Variants in KLF12 observed in about 807,000 individuals in gnomAD.
KLF12 encodes KLF transcription factor 12.
In KLF12, 9 loss-of-function variants were observed where a neutral mutation model predicts 37.8. The observed-to-expected ratio is 0.24, with a 90% CI of 0.14 to 0.42. KLF12 has a LOEUF of 0.42. KLF12 is among the 10% of genes least tolerant of loss of function. The pLI is 1.00. For synonymous variants in KLF12, 208 were observed against 202.1 expected, an observed-to-expected ratio of 1.03 and a Z score of -0.25; for missense variants, 411 against 516.0, an observed-to-expected ratio of 0.80 and a Z score of 1.97.
chr13:74,014,482 T>C (rs757883859), intron 1 of KLF12, among the ~76,000 whole-genome samples: 4 of 152,204 alleles, frequency 2.6e-5, no homozygotes, highest in African/African-American at 7.2e-5. Context: ...TACTCAAATA[T>C]TGAACATGCG....
At chr13:74,211,088 T>G in the KLF12 span, among the ~76,000 whole-genome samples, 1 of 152,156 alleles carries the variant, frequency 6.6e-6, no homozygotes, top group African/African-American at 2.4e-5. Flanking sequence ...ACATTATTAT[T>G]GCCTTTCCTG....
chr13:74,076,066 T>G (rs1248682060), intron 1 of KLF12, among the ~76,000 whole-genome samples: 1 of 152,206 alleles, frequency 6.6e-6, no homozygotes, highest in African/African-American at 2.4e-5. Flanking sequence ...GTTCTAAAAT[T>G]AATTGTGGTG....
chr13:74,279,539 T>G, the KLF12 span, among the ~76,000 whole-genome samples: 1 of 148,886 alleles, frequency 6.7e-6, no homozygotes, highest in East Asian at 2.0e-4. Context: ...TTTTTAGTCA[T>G]AAGTGCTCTT....
chr13:74,087,274 G>T (rs976299167), intron 1 of KLF12, among the ~76,000 whole-genome samples: 2 of 152,140 alleles, frequency 1.3e-5, no homozygotes, highest in African/African-American at 4.8e-5. Context: ...GTGACCGAAC[G>T]TCGACACAGG....
At chr13:73,846,988 T>G in intron 3 of KLF12, among the ~76,000 whole-genome samples, 1 of 152,192 alleles carries the variant, frequency 6.6e-6, no homozygotes, top group Non-Finnish European at 1.5e-5. Flanking sequence ...ATAATTTGTC[T>G]ATGAATTTTC....
chr13:73,782,225 T>C (rs1881011067), intron 5 of KLF12, among the ~76,000 whole-genome samples: 1 of 152,198 alleles, frequency 6.6e-6, no homozygotes, highest in Admixed American at 6.5e-5. Flanking sequence ...ATCTTCATAA[T>C]GGGGATAGTT....
chr13:73,967,653 C>T (rs1177173803), intron 2 of KLF12, among the ~76,000 whole-genome samples: 2 of 152,178 alleles, frequency 1.3e-5, no homozygotes, highest in African/African-American at 2.4e-5. Context: ...ATAAGCCTCA[C>T]TTATACAGCA....
At chr13:73,765,499 G>T (rs1469165258) in intron 5 of KLF12, among the ~76,000 whole-genome samples, 1 of 152,156 alleles carries the variant, frequency 6.6e-6, no homozygotes. Context: ...CACAGGGAAG[G>T]AAGGAAGGGT....
chr13:73,956,612 A>C (rs952074563), intron 2 of KLF12, among the ~76,000 whole-genome samples: 3 of 152,130 alleles, frequency 2.0e-5, no homozygotes, highest in African/African-American at 7.2e-5. Context: ...TGATTCTATG[A>C]ACTCATTAGA....
At chr13:73,834,713 T>C (rs1021851163) in intron 4 of KLF12, among the ~76,000 whole-genome samples, 2 of 152,208 alleles carry the variant, frequency 1.3e-5, no homozygotes, top group Non-Finnish European at 2.9e-5. Context: ...GGTTTCGCCA[T>C]GTTGGCTAGG....
chr13:74,276,359 T>C, the KLF12 span, among the ~76,000 whole-genome samples: 2 of 152,170 alleles, frequency 1.3e-5, no homozygotes, highest in African/African-American at 2.4e-5. Flanking sequence ...GCAATCCTTC[T>C]ACCTTGGCCT....
At chr13:73,910,499 G>A (rs1479085911) in intron 3 of KLF12, among the ~76,000 whole-genome samples, 1 of 152,058 alleles carries the variant, frequency 6.6e-6, no homozygotes, top group East Asian at 1.9e-4. Flanking sequence ...TTAGGTAGTG[G>A]AAATTGTGAA....
chr13:74,153,658 C>T, the KLF12 span, among the ~76,000 whole-genome samples: 2 of 152,200 alleles, frequency 1.3e-5, no homozygotes, highest in African/African-American at 4.8e-5. Flanking sequence ...TACTCAGCCA[C>T]TGTTAGTTAA....
rs148428144 is a variant in KLF12, at chr13:74,069,121, G to T, written c.-32+64618C>A. Among the ~76,000 whole-genome samples, 147 of 152,258 alleles carry T rather than the reference G, an allele frequency of 9.7e-4. 1 individual carries two copies. The Middle Eastern group carries it at 0.014, about 14-fold the overall frequency. The stretch of plus-strand genomic sequence containing the variant: ...GTAGCTATTCATCATACTAAGCATT[G>T]TAAGCAAAGGTGACCCCTGAATTAC... On this transcript the variant is annotated intron_variant, in intron 1 of 7. Coordinates refer to ENST00000377669, the MANE Select transcript of KLF12 (RefSeq NM_007249.5).
chr13:73,815,239 A>T (rs1014332404), intron 4 of KLF12, among the ~76,000 whole-genome samples: 1 of 152,176 alleles, frequency 6.6e-6, no homozygotes, highest in Admixed American at 6.5e-5. Flanking sequence ...GGGCAAAGCA[A>T]CCAGTTCCAT....
In KLF12 at chr13:73,803,772, TCACACACACACACACACA is replaced by T. The variant is rs4053528; in HGVS notation, c.806+9362_806+9379del. Reference sequence around the variant, plus strand: ...CTGAGCAGCACAACATACTGCAGAGTCACACACACACACACACACACACACACACACACACACACACAC... The same window carrying T: ...CTGAGCAGCACAACATACTGCAGAGTCACACACACACACACACACACACAC... On this transcript the variant is annotated intron_variant, in intron 5 of 7. Coordinates refer to ENST00000377669, the MANE Select transcript of KLF12 (RefSeq NM_007249.5). 2.3e-3 allele frequency among the ~76,000 whole-genome samples: 330 copies of T among 142,058 alleles called. 2 individuals are homozygous for T. The highest frequency in any genetic ancestry group is 7.5e-3 in the African/African-American group (293 of 38,914). The allele number at this position is 142,058 out of a possible 152,430, so 93.2% of individuals were successfully genotyped here. A position where few individuals can be genotyped will look rare whatever the true frequency, so the allele number is the denominator to read the frequency against.
chr13:73,753,609 G>T (rs899575675), intron 6 of KLF12, among the ~76,000 whole-genome samples: 10 of 150,642 alleles, frequency 6.6e-5, no homozygotes, highest in African/African-American at 2.4e-4. Flanking sequence ...TTTTACTGAA[G>T]AGGGAACAGA....
At chr13:74,052,447 T>C (rs1265134707) in intron 1 of KLF12, among the ~76,000 whole-genome samples, 4 of 152,152 alleles carry the variant, frequency 2.6e-5, no homozygotes, top group Non-Finnish European at 5.9e-5. Context: ...GATGACTATT[T>C]TCTACTGAAA....
At chr13:73,961,740 T>G (rs1891026918) in intron 2 of KLF12, among the ~76,000 whole-genome samples, 1 of 152,132 alleles carries the variant, frequency 6.6e-6, no homozygotes, top group Non-Finnish European at 1.5e-5. Context: ...AGTTAGCATA[T>G]GAAAAGATGT....
Sources: allele counts gnomAD v4.1 joint callset (sites outside exome capture counted in the v4.1 genomes callset), GRCh38; gene constraint gnomAD v4.1.1; transcripts MANE v1.5; gene names NCBI Gene and HGNC (gene_info 2026-07-23, HGNC 2026-07-21).